The following HNRNPC variants were observed in gnomAD, a reference collection of about 807,000 sequenced individuals.
HNRNPC encodes the protein heterogeneous nuclear ribonucleoprotein C, also known as heterogeneous nuclear ribonucleoproteins C1/C2.
HNRNPC carries 3 observed loss-of-function variants against 33.2 expected under a neutral mutation model. That is an observed-to-expected ratio of 0.09 (90% CI 0.04 to 0.23). The LOEUF is 0.23. Ranked by LOEUF, HNRNPC falls within the 10% of genes least tolerant of loss-of-function variation. HNRNPC has a pLI of 1.00. For missense variants in HNRNPC, 143 were observed against 366.7 expected, an observed-to-expected ratio of 0.39 and a Z score of 4.98; for synonymous variants, 121 against 126.7, an observed-to-expected ratio of 0.96 and a Z score of 0.30.
intron 2 of HNRNPC, among the ~76,000 whole-genome samples, chr14:21,248,271 C>A (rs1220770130): frequency 2.0e-5 from 3 of 152,174 alleles, no homozygotes; most frequent in African/African-American, 7.2e-5. Flanking sequence ...CTCTCAAATG[C>A]CTGGTTTCAA....
chr14:21,222,361 T>C (rs1358464406), intron 5 of HNRNPC, among the ~76,000 whole-genome samples: 5 of 152,252 alleles, frequency 3.3e-5, no homozygotes, highest in Admixed American at 3.3e-4. Flanking sequence ...TGCATACCAA[T>C]CTCCATGGCA....
chr14:21,254,922 CAAAAAAAAAACA>C (rs1166813399), intron 2 of HNRNPC, among the ~76,000 whole-genome samples: 1 of 102,224 alleles, frequency 9.8e-6, no homozygotes, highest in Non-Finnish European at 2.1e-5. Flanking sequence ...ACTCTAGTCT[CAAAAAAAAAACA>C]AAAAAAAAAA....
chr14:21,232,464 G>A (rs529730863), intron 3 of HNRNPC, among the ~76,000 whole-genome samples: 1 of 152,116 alleles, frequency 6.6e-6, no homozygotes, highest in East Asian at 1.9e-4. Flanking sequence ...CCACCTCCCG[G>A]GTTCAAGCAA....
At chr14:21,212,837 A>T in intron 6 of HNRNPC, 123 bp downstream of exon 6, 1 of 1,268,902 alleles carries the variant, frequency 7.9e-7, no homozygotes, top group Non-Finnish European at 1.1e-6. Flanking sequence ...GCCACCACAC[A>T]CCCAGCCTCT....
chr14:21,225,456 G>A (rs1450614334), intron 5 of HNRNPC, among the ~76,000 whole-genome samples: 1 of 151,384 alleles, frequency 6.6e-6, no homozygotes, highest in East Asian at 1.9e-4. Flanking sequence ...AAAAAACAGA[G>A]AGAGATGAGA....
chr14:21,245,014 G>A (rs917495651), intron 2 of HNRNPC, among the ~76,000 whole-genome samples: 12 of 149,244 alleles, frequency 8.0e-5, no homozygotes, highest in Non-Finnish European at 1.8e-4. Context: ...CAATCCCGGA[G>A]GCAGACGTAG....
At chr14:21,247,820 C>G (rs374103438) in intron 2 of HNRNPC, among the ~76,000 whole-genome samples, 1 of 76,754 alleles carries the variant, frequency 1.3e-5, no homozygotes, top group African/African-American at 4.6e-5. Context: ...ACTAAAAATA[C>G]AAAAAAAAAA....
At chr14:21,222,623 T>G (rs1362737953) in intron 5 of HNRNPC, among the ~76,000 whole-genome samples, 1 of 152,186 alleles carries the variant, frequency 6.6e-6, no homozygotes, top group African/African-American at 2.4e-5. Flanking sequence ...CCGGGCCTAG[T>G]GGCTCCCGCC....
rs116183425 is a variant in HNRNPC, at chr14:21,247,620, C to T, written c.-36-13391G>A. ...AAATCAAAATTTTAGGTAACTCATA[C>T]TTCCAAATTGAAGTAAACTGAAAGT... On this transcript the variant is annotated intron_variant, in intron 2 of 8. Transcript: ENST00000553300. Among the ~76,000 whole-genome samples the T allele has an allele frequency of 8.0e-3, 1,212 of 152,138 alleles. 20 individuals are homozygous for T. Among genetic ancestry groups the T allele is most frequent in the African/African-American group, 0.028 (1,156 of 41,492 alleles).
At chr14:21,259,020 G>A (rs1339649986) in intron 2 of HNRNPC, among the ~76,000 whole-genome samples, 2 of 152,108 alleles carry the variant, frequency 1.3e-5, no homozygotes, top group African/African-American at 4.8e-5. Context: ...TTCTACTTGT[G>A]CCCAAGACAG....
chr14:21,232,926 A>G (rs547478156), intron 3 of HNRNPC, among the ~76,000 whole-genome samples: 26 of 152,128 alleles, frequency 1.7e-4, no homozygotes, highest in African/African-American at 6.3e-4. Flanking sequence ...AGTACCAGCT[A>G]CTCGGGAGGC....
At chr14:21,269,093 C>T (rs1879513052) in intron 1 of HNRNPC, among the ~76,000 whole-genome samples, 1 of 152,040 alleles carries the variant, frequency 6.6e-6, no homozygotes, top group African/African-American at 2.4e-5. Context: ...CCCTGGCGAT[C>T]GTGGCCTAGA....
intron 5 of HNRNPC, among the ~76,000 whole-genome samples, chr14:21,216,679 G>A (rs542283680): frequency 1.4e-4 from 21 of 152,140 alleles, no homozygotes; most frequent in African/African-American, 4.6e-4. Flanking sequence ...ACTGCACTCC[G>A]GCATGGATCA....
intron 2 of HNRNPC, among the ~76,000 whole-genome samples, chr14:21,243,102 A>G (rs1453458761): frequency 6.6e-6 from 1 of 152,076 alleles, no homozygotes; most frequent in Non-Finnish European, 1.5e-5. Flanking sequence ...TGTCTCAAAA[A>G]GGAGAGGTGG....
chr14:21,212,924 A>C (rs1369724330), intron 6 of HNRNPC, 36 bp downstream of exon 6: 240 of 1,602,082 alleles, frequency 1.5e-4, no homozygotes, highest in Middle Eastern at 1.9e-4. Flanking sequence ...TCAAAACACA[A>C]GAGATACCAA....
chr14:21,249,452 T>G (rs1303979803), intron 2 of HNRNPC, among the ~76,000 whole-genome samples: 1 of 151,016 alleles, frequency 6.6e-6, no homozygotes, highest in Non-Finnish European at 1.5e-5. Flanking sequence ...CCAGGTGTGG[T>G]GGCACGTGCC....
rs150104265 is a variant in HNRNPC, at chr14:21,228,566, A to G, written c.365+1753T>C. ...GCCACCACGCCCAGCTAATTTTTGT[A>G]TTTTTTTAGTAGAGACGGGGTTCCA... On this transcript the variant is annotated intron_variant, in intron 5 of 8. Coordinates refer to ENST00000553300, the MANE Select transcript of HNRNPC (RefSeq NM_004500.4). 7.7e-3 allele frequency among the ~76,000 whole-genome samples: 1,172 copies of G among 151,656 alleles called. 19 individuals are homozygous for G. The highest frequency in any genetic ancestry group is 0.027 in the African/African-American group (1,106 of 41,380).
intron 5 of HNRNPC, among the ~76,000 whole-genome samples, chr14:21,214,629 C>T (rs1290804104): frequency 6.6e-6 from 1 of 152,158 alleles, no homozygotes; most frequent in Non-Finnish European, 1.5e-5. Flanking sequence ...TATGGTTAAT[C>T]TCTTAGTTTA....
chr14:21,248,235 G>A (rs886286865), intron 2 of HNRNPC, among the ~76,000 whole-genome samples: 3 of 152,026 alleles, frequency 2.0e-5, no homozygotes, highest in African/African-American at 4.8e-5. Context: ...TAGTACAGAC[G>A]GGGTTTTGCC....
Sources: gnomAD v4.1 joint callset for allele counts (sites outside exome capture counted in the v4.1 genomes callset) on GRCh38, gnomAD v4.1.1 for gene constraint, MANE v1.5 for transcripts, NCBI Gene and HGNC (gene_info 2026-07-23, HGNC 2026-07-21) for gene names.